Variants in B4GALT5 observed in about 807,000 individuals in gnomAD.
B4GALT5 encodes beta-1,4-galactosyltransferase 5, also known as UDP-Gal:beta-GlcNAc beta-1,4-galactosyltransferase 5.
A neutral mutation model predicts 45.0 loss-of-function variants in B4GALT5; 11 were observed. The observed-to-expected ratio is 0.24, with a 90% confidence interval of 0.15 to 0.40. The LOEUF is 0.40. Ranked by LOEUF, B4GALT5 falls within the 10% of genes least tolerant of loss-of-function variation. The probability of loss-of-function intolerance (pLI) is 1.00; values close to 1 mark genes in which losing one functional copy is unlikely to be tolerated. For missense variants in B4GALT5, 337 were observed against 500.2 expected (o/e 0.67, Z 3.11); for synonymous variants, 185 against 182.9 (o/e 1.01, Z -0.09).
intron 1 of B4GALT5, among the ~76,000 whole-genome samples, chr20:49,667,249 T>C (rs1485871240): frequency 8.5e-6 from 1 of 117,844 alleles, no homozygotes; most frequent in East Asian, 2.3e-4. Context: ...TTTTTTGGCT[T>C]GTGTTGTTGT....
intron 4 of B4GALT5, among the ~76,000 whole-genome samples, chr20:49,643,096 A>G (rs531380072): frequency 1.3e-5 from 2 of 152,374 alleles, no homozygotes; most frequent in Non-Finnish European, 2.9e-5. Context: ...CAGCTTAACG[A>G]AAACTACTGA....
chr20:49,690,203 G>A (rs566809590), intron 1 of B4GALT5, among the ~76,000 whole-genome samples: 218 of 151,956 alleles, frequency 1.4e-3, no homozygotes, highest in Non-Finnish European at 2.7e-3. Flanking sequence ...ACAGGGTTTC[G>A]CCATGTTGGT....
chr20:49,676,532 TAA>T (rs1231851301), intron 1 of B4GALT5, among the ~76,000 whole-genome samples: 1 of 152,200 alleles, frequency 6.6e-6, no homozygotes, highest in Non-Finnish European at 1.5e-5. Context: ...CCATTAAAAA[TAA>T]AGAGAGGTAT....
chr20:49,651,343 C>G (rs1418120540), intron 2 of B4GALT5, among the ~76,000 whole-genome samples: 1 of 151,118 alleles, frequency 6.6e-6, no homozygotes, highest in Non-Finnish European at 1.5e-5. Context: ...AATCCCAGCA[C>G]TTTGAGAGGC....
chr20:49,646,023 A>T (rs1247866864), intron 3 of B4GALT5, among the ~76,000 whole-genome samples: 1 of 151,990 alleles, frequency 6.6e-6, no homozygotes, highest in Admixed American at 6.5e-5. Context: ...CCATTTCTTA[A>T]AAAAGTAATA....
intron 3 of B4GALT5, among the ~76,000 whole-genome samples, chr20:49,644,051 C>T (rs1267362025): frequency 6.7e-6 from 1 of 150,284 alleles, no homozygotes; most frequent in Non-Finnish European, 1.5e-5. Context: ...CCTCAGCCTC[C>T]TGAGTAGCTG....
intron 1 of B4GALT5, among the ~76,000 whole-genome samples, chr20:49,690,830 A>G (rs939936717): frequency 2.0e-5 from 3 of 152,188 alleles, no homozygotes; most frequent in Non-Finnish European, 4.4e-5. Flanking sequence ...AAAATATCCT[A>G]GAGAAGAATC....
In B4GALT5 at chr20:49,641,810, C is replaced by T. The variant is rs549965672; in HGVS notation, c.606+658G>A. ...GATATAGCACCTCTAGTTCAAGGAT[C>T]ACATACTTCAAAATGCCTACAGAAG... On this transcript the variant is annotated intron_variant, in intron 5 of 8. Coordinates refer to ENST00000371711, the MANE Select transcript of B4GALT5 (RefSeq NM_004776.4). Among the ~76,000 whole-genome samples, 31 of 152,212 alleles carry T rather than the reference C, an allele frequency of 2.0e-4. 1 individual carries two copies. Among genetic ancestry groups the T allele is most frequent in the African/African-American group, 6.7e-4 (28 of 41,530 alleles).
chr20:49,665,676 T>C (rs2085687405), intron 1 of B4GALT5, among the ~76,000 whole-genome samples: 2 of 149,926 alleles, frequency 1.3e-5, no homozygotes, highest in African/African-American at 2.5e-5. Context: ...ACACAGTCCC[T>C]GCCATCACCT....
intron 1 of B4GALT5, among the ~76,000 whole-genome samples, chr20:49,682,776 G>C (rs1328356499): frequency 6.6e-6 from 1 of 152,050 alleles, no homozygotes; most frequent in Non-Finnish European, 1.5e-5. Context: ...AGTATTATTA[G>C]TGAGCCTAAG....
chr20:49,641,904 C>T (rs1021284614), intron 5 of B4GALT5, among the ~76,000 whole-genome samples: 15 of 151,796 alleles, frequency 9.9e-5, no homozygotes, highest in Middle Eastern at 3.4e-3. Flanking sequence ...AGTCATGTTC[C>T]ATCTAAAGGC....
At position 49,701,454 on chromosome 20, in the gene B4GALT5, TTTTCTGATG is replaced by T. The variant is rs1374749574; in HGVS notation, c.115+12113_115+12121del. 3.4e-5 allele frequency among the ~76,000 whole-genome samples: 5 copies of T among 148,918 alleles called. No individual in the cohort carries two copies. In the East Asian group the frequency reaches 1.0e-3, roughly 31 times the overall value. On this transcript the variant is annotated intron_variant, in intron 1 of 8. Coordinates refer to ENST00000371711, the MANE Select transcript of B4GALT5 (RefSeq NM_004776.4). ...CCTCATTCGTCAGCATTTGACATCA[TTTTCTGATG>T]TTATAAAGGATAACAGAAAAAAAAA...
At chr20:49,683,078 A>C (rs2085770604) in intron 1 of B4GALT5, among the ~76,000 whole-genome samples, 1 of 147,536 alleles carries the variant, frequency 6.8e-6, no homozygotes. Context: ...TGGTTAACAG[A>C]GTGGGAGACC....
intron 1 of B4GALT5, among the ~76,000 whole-genome samples, chr20:49,688,664 T>G (rs933493142): frequency 3.9e-5 from 6 of 151,994 alleles, no homozygotes; most frequent in African/African-American, 1.4e-4. Flanking sequence ...CAAGGCCGGG[T>G]GCAGTGGCTC....
At chr20:49,704,050 C>T (rs1290804283) in intron 1 of B4GALT5, among the ~76,000 whole-genome samples, 3 of 152,104 alleles carry the variant, frequency 2.0e-5, no homozygotes, top group African/African-American at 7.2e-5. Flanking sequence ...ATTACATAAG[C>T]AAGACACAAC....
chr20:49,683,012 T>C (rs1046650263), intron 1 of B4GALT5, among the ~76,000 whole-genome samples: 2 of 152,000 alleles, frequency 1.3e-5, no homozygotes, highest in African/African-American at 2.4e-5. Context: ...GAAGTCTGCT[T>C]GAGCCCAGGA....
chr20:49,665,822 A>C (rs2085687994), intron 1 of B4GALT5, among the ~76,000 whole-genome samples: 1 of 151,326 alleles, frequency 6.6e-6, no homozygotes, highest in African/African-American at 2.4e-5. Flanking sequence ...GCACTGAAGC[A>C]GGAGAGGGAG....
chr20:49,636,349 T>C lies in B4GALT5; in HGVS notation c.1130A>G (p.Asn377Ser), dbSNP rs765237634. ...YDALYKNITV[N>S]LTPELAQVNE... ...CACCTGAGCCAGCTCGGGTGTCAGGTTGACAGTTATGTTTTTATACAAGGC... is the reference window on the plus strand; with the variant it reads ...CACCTGAGCCAGCTCGGGTGTCAGGCTGACAGTTATGTTTTTATACAAGGC... Residue 377 changes from asparagine (N) to serine (S), a missense_variant, in exon 9 of 9, where the codon AAC (asparagine) becomes AGC (serine). Physicochemically the swap from Asn to Ser is conservative, Grantham distance 46. Coordinates refer to ENST00000371711, the MANE Select transcript of B4GALT5 (RefSeq NM_004776.4). The C allele has an allele frequency of 3.7e-6, 6 of 1,614,100 alleles. No individual in the cohort carries two copies. Among genetic ancestry groups the C allele is most frequent in the Middle Eastern group, 1.6e-4 (1 of 6,062 alleles).
At chr20:49,685,414 A>G (rs983235421) in intron 1 of B4GALT5, among the ~76,000 whole-genome samples, 4 of 152,128 alleles carry the variant, frequency 2.6e-5, no homozygotes, top group Non-Finnish European at 4.4e-5. Context: ...AGAAAACGAA[A>G]AACTCTGTGA....
Sources: allele counts gnomAD v4.1 joint callset (sites outside exome capture counted in the v4.1 genomes callset), GRCh38; gene constraint gnomAD v4.1.1; transcripts MANE v1.5; gene names NCBI Gene and HGNC (gene_info 2026-07-23, HGNC 2026-07-21).